The following ZNF347 variants were observed in gnomAD, a reference collection of about 807,000 sequenced individuals.
The protein encoded by ZNF347 is zinc finger protein 347, also known as CTD-2620I22.7.
In ZNF347, 19 loss-of-function variants were observed where a neutral mutation model predicts 12.9. The ratio of observed to expected loss-of-function variants is 1.47; its 90% confidence interval spans 1.03 to 2.16. The LOEUF is 2.16. Among genes scored for constraint, ZNF347 ranks in the 30% most tolerant of loss-of-function variants. The probability of loss-of-function intolerance (pLI) is 0.00; values close to 1 mark genes in which losing one functional copy is unlikely to be tolerated. For synonymous variants in ZNF347, 328 were observed against 340.6 expected, an observed-to-expected ratio of 0.96 and a Z score of 0.41; for missense variants, 1,005 against 990.6, an observed-to-expected ratio of 1.01 and a Z score of -0.19.
Position 53,147,209 on chromosome 19 carries a change from T to C in ZNF347, c.271+1472A>G, listed in dbSNP as rs1014704459. Among the ~76,000 whole-genome samples the C allele has an allele frequency of 3.3e-5, 5 of 151,930 alleles. No individual in the cohort carries two copies. In the East Asian group the frequency reaches 5.8e-4, roughly 18 times the overall value. On this transcript the variant is annotated intron_variant, in intron 4 of 4. Coordinates refer to ENST00000334197, the MANE Select transcript of ZNF347 (RefSeq NM_032584.3). ...GGCCAACATGGTGAAACCCCAACTC[T>C]ACTAAAAATACAAAAATCAGCCAAG...
At chr19:53,155,461 T>C (rs1401172452) in intron 1 of ZNF347, among the ~76,000 whole-genome samples, 4 of 151,954 alleles carry the variant, frequency 2.6e-5, no homozygotes, top group Admixed American at 1.3e-4. Context: ...GCCTTGCAAG[T>C]AGCTGGGAGC....
rs78156111 is a variant in ZNF347 at position 53,146,508 on chromosome 19, T to C, written c.271+2173A>G. 1.5e-3 allele frequency among the ~76,000 whole-genome samples: 226 copies of C among 152,206 alleles called. 1 individual carries two copies. Among genetic ancestry groups the C allele is most frequent in the African/African-American group, 5.3e-3 (220 of 41,536 alleles). On this transcript the variant is annotated intron_variant, in intron 4 of 4. Coordinates refer to ENST00000334197, the MANE Select transcript of ZNF347 (RefSeq NM_032584.3). ...CCCAGGCTGGTTTGAACTCCCCGCCTCAAGCAATTCTCCTTTCTCAGTCTC... is the reference window on the plus strand; with the variant it reads ...CCCAGGCTGGTTTGAACTCCCCGCCCCAAGCAATTCTCCTTTCTCAGTCTC...
At position 53,136,714 on chromosome 19, in the gene ZNF347, T is replaced by C. The variant is rs1000820717; in HGVS notation, c.*3594A>G. On this transcript the variant is annotated 3_prime_UTR_variant, in exon 5 of 5. Coordinates refer to ENST00000334197, the MANE Select transcript of ZNF347 (RefSeq NM_032584.3). ...TTGATCATATTATGTAATAAACTTT[T>C]CCACAAATTCATTTGCATTGAACTA... 2.0e-5 allele frequency: 3 copies of C among 152,238 alleles called. No homozygotes were observed. Among genetic ancestry groups the C allele is most frequent in the Admixed American group, 6.5e-5 (1 of 15,280 alleles). The allele number at this position is 152,238 out of a possible 1,614,324, so 9.4% of individuals were successfully genotyped here.
intron 4 of ZNF347, among the ~76,000 whole-genome samples, chr19:53,145,204 T>C (rs948491480): frequency 1.3e-5 from 2 of 150,590 alleles, no homozygotes; most frequent in African/African-American, 2.4e-5. Context: ...GGCAGGAGAA[T>C]TGCTTGATCC....
intron 1 of ZNF347, among the ~76,000 whole-genome samples, chr19:53,156,724 G>A (rs747202718): frequency 1.3e-5 from 2 of 152,188 alleles, no homozygotes; most frequent in African/African-American, 2.4e-5. Context: ...GGGATGTCAA[G>A]GGAATCCCCA....
chr19:53,155,426 G>A (rs559244631), intron 1 of ZNF347, among the ~76,000 whole-genome samples: 49 of 151,830 alleles, frequency 3.2e-4, no homozygotes, highest in African/African-American at 1.1e-3. Flanking sequence ...TCAAGCTCTC[G>A]TGTTCAAGCG....
chr19:53,150,851 G>A (rs1028730478), intron 2 of ZNF347, among the ~76,000 whole-genome samples: 4 of 151,944 alleles, frequency 2.6e-5, no homozygotes, highest in South Asian at 2.1e-4. Flanking sequence ...GCGATTCTCC[G>A]GCCTCAGCCT....
chr19:53,137,133 GCCTCGGGCTC>G lies in ZNF347; in HGVS notation c.*3165_*3174del, dbSNP rs747207211. The G allele has an allele frequency of 1.3e-5, 2 of 152,182 alleles. No individual in the cohort carries two copies. The highest frequency in any genetic ancestry group is 2.9e-5 in the Non-Finnish European group (2 of 68,052). 9.4% of individuals were successfully genotyped at this position (152,182 alleles called of 1,614,324 possible). On this transcript the variant is annotated 3_prime_UTR_variant, in exon 5 of 5. Transcript: ENST00000334197. ...GCTCCTGACCTAAGGTGATCCACCT[GCCTCGGGCTC>G]CCAAAGTGCTGGGATTACAGGCATG...
At chr19:53,145,678 C>G (rs1218196859) in intron 4 of ZNF347, among the ~76,000 whole-genome samples, 4 of 151,954 alleles carry the variant, frequency 2.6e-5, no homozygotes, top group Non-Finnish European at 5.9e-5. Context: ...CAGGCATGAG[C>G]CACCATGCCT....
At chr19:53,153,663 C>T (rs1457669279) in intron 2 of ZNF347, 70 bp downstream of exon 2, 1 of 1,586,366 alleles carries the variant, frequency 6.3e-7, no homozygotes, top group Non-Finnish European at 8.7e-7. Flanking sequence ...AGAGAAGATT[C>T]CCAACTTCAA....
Position 53,148,680 on chromosome 19 carries a change from C to T in ZNF347, c.271+1G>A. The T allele has an allele frequency of 6.2e-7, 1 of 1,611,922 alleles. No homozygotes were observed. Among genetic ancestry groups the T allele is most frequent in the Non-Finnish European group, 8.5e-7 (1 of 1,178,836 alleles). On this transcript the variant is annotated splice_donor_variant, in intron 4 of 4. Coordinates refer to ENST00000334197, the MANE Select transcript of ZNF347 (RefSeq NM_032584.3). LOFTEE classifies it high-confidence loss of function. The stretch of plus-strand genomic sequence containing the variant: ...TTTTCTCTACCCATCTGAACTCTTA[C>T]CTGTGATCACAGCTTTGATCCATTC...
At position 53,149,263 on chromosome 19, in the gene ZNF347, A is replaced by G; in HGVS notation, c.120T>C (p.Asn40=). The change falls in exon 3 of 5, where the codon AAT becomes AAC. Residue 40 remains asparagine (N), a synonymous_variant. Coordinates refer to ENST00000334197, the MANE Select transcript of ZNF347 (RefSeq NM_032584.3). The part of the protein sequence containing the change: ...RTLYRDVMLE[N]YRNLASLGIS... ...CACCCAGGGAGGCCAGGTTCCTATA[A>G]TTCTCCAACATCACGTCCCTGTACA... The G allele has an allele frequency of 6.2e-7, 1 of 1,613,412 alleles. No individual in the cohort carries two copies. The highest frequency in any genetic ancestry group is 1.1e-5 in the South Asian group (1 of 90,946).
chr19:53,145,283 C>A (rs764687112), intron 4 of ZNF347, among the ~76,000 whole-genome samples: 3 of 73,794 alleles, frequency 4.1e-5, no homozygotes, highest in Admixed American at 2.1e-4. Flanking sequence ...GAGCAAGAGT[C>A]TGTCTAGAAA....
rs569109104 is a variant in ZNF347 at position 53,156,719 on chromosome 19, G to A, written c.-47+2290C>T. Among the ~76,000 whole-genome samples, 22 of 152,328 alleles carry A rather than the reference G, an allele frequency of 1.4e-4. 2 individuals are homozygous for A. Among genetic ancestry groups the A allele is most frequent in the African/African-American group, 5.1e-4 (21 of 41,570 alleles). ...AACCTGAGGTGGTGGGGAGGGGGAT[G>A]TCAAGGGAATCCCCAGTGTATAGCT... is the stretch of plus-strand genomic sequence containing the variant. On this transcript the variant is annotated intron_variant, in intron 1 of 4. Transcript: ENST00000334197.
chr19:53,152,092 C>CAAAAAAAAA (rs1186310928), intron 2 of ZNF347, among the ~76,000 whole-genome samples: 1 of 89,850 alleles, frequency 1.1e-5, no homozygotes, highest in Non-Finnish European at 2.1e-5. Context: ...GACTCTGTCT[C>CAAAAAAAAA]AAAAAAAAAA....
Position 53,138,558 on chromosome 19 carries a change from A to T in ZNF347, c.*1750T>A, listed in dbSNP as rs912679914. On this transcript the variant is annotated 3_prime_UTR_variant, in exon 5 of 5. Coordinates refer to ENST00000334197, the MANE Select transcript of ZNF347 (RefSeq NM_032584.3). ...GCTTTCAGAGTGTAAGAGTATGAAAACTGCACTTTCTATGGGATTTTCATT... is the reference window on the plus strand; with the variant it reads ...GCTTTCAGAGTGTAAGAGTATGAAATCTGCACTTTCTATGGGATTTTCATT... The T allele has an allele frequency of 3.3e-5, 5 of 152,136 alleles. No homozygotes were observed. Among genetic ancestry groups the T allele is most frequent in the Non-Finnish European group, 1.5e-5 (1 of 68,032 alleles). 9.4% of individuals were successfully genotyped at this position (152,136 alleles called of 1,614,324 possible). A position where few individuals can be genotyped will look rare whatever the true frequency, so the allele number is the denominator to read the frequency against.
intron 1 of ZNF347, among the ~76,000 whole-genome samples, chr19:53,155,294 CTGTGTGTGTGTGTGTGTGTGTG>C (rs61275588): frequency 2.8e-5 from 4 of 141,936 alleles, no homozygotes; most frequent in South Asian, 2.4e-4. Flanking sequence ...AGACTTTATT[CTGTGTGTGTGTGTGTGTGTGTG>C]TGTGTGTGTG....
Position 53,135,353 on chromosome 19 carries a change from G to A in ZNF347, c.*4955C>T. ...ATATATATATATAGAGAGAGAGAGA[G>A]AGAGAGAGAGAGAGAAAGAGAGAGA... On this transcript the variant is annotated 3_prime_UTR_variant, in exon 5 of 5. Coordinates refer to ENST00000334197, the MANE Select transcript of ZNF347 (RefSeq NM_032584.3). 7.7e-6 allele frequency: 1 copy of A among 130,500 alleles called. No individual in the cohort carries two copies. The allele number at this position is 130,500 out of a possible 1,614,324, so 8.1% of individuals were successfully genotyped here.
intron 4 of ZNF347, among the ~76,000 whole-genome samples, chr19:53,144,891 A>C (rs936917073): frequency 1.3e-5 from 2 of 152,160 alleles, no homozygotes; most frequent in African/African-American, 4.8e-5. Context: ...ATATGTTAAG[A>C]CACCAAACAA....
Sources: allele counts gnomAD v4.1 joint callset (sites outside exome capture counted in the v4.1 genomes callset), GRCh38; gene constraint gnomAD v4.1.1; transcripts MANE v1.5; gene names NCBI Gene and HGNC (gene_info 2026-07-23, HGNC 2026-07-21).